Variants in ETFA observed in about 807,000 individuals in gnomAD.
The protein encoded by ETFA is electron transfer flavoprotein subunit alpha, mitochondrial.
In ETFA, 22 loss-of-function variants were observed where a neutral mutation model predicts 46.2. That is an observed-to-expected ratio of 0.48 (90% CI 0.34 to 0.68). ETFA has a LOEUF of 0.68. Ranked by LOEUF, ETFA falls within the 30% of genes least tolerant of loss-of-function variation. The pLI is 0.01. For missense variants in ETFA, 345 were observed against 401.1 expected (o/e 0.86, Z 1.19); for synonymous variants, 131 against 139.9 (o/e 0.94, Z 0.45).
intron 10 of ETFA, chr15:76,231,014 A>C (rs1220466032): frequency 3.6e-6 from 1 of 276,466 alleles, no homozygotes; most frequent in Non-Finnish European, 6.9e-6. Context: ...GTGATAGCTG[A>C]AGGGCAACTT....
At chr15:76,277,754 C>T (rs1232483926) in intron 8 of ETFA, among the ~76,000 whole-genome samples, 3 of 152,168 alleles carry the variant, frequency 2.0e-5, no homozygotes, top group South Asian at 2.1e-4. Context: ...CTGCCCACCT[C>T]GGCCTCCCAA....
intron 9 of ETFA, chr15:76,260,540 G>A (rs1311201373): frequency 2.2e-5 from 32 of 1,471,378 alleles, no homozygotes; most frequent in Non-Finnish European, 1.7e-5. Flanking sequence ...GTACGATCAG[G>A]CCCTTTTGGG....
rs752544152 is a variant in ETFA, at chr15:76,274,417, C to T, written c.811G>A (p.Ala271Thr). The change falls in exon 9 of 12, where the codon GCA (alanine) becomes ACA (threonine). Residue 271 changes from alanine (A) to threonine (T), a missense_variant. Transcript: ENST00000557943. ...MQVGQTGKIVAPELYIAVGIS... is the reference protein window; with the variant it reads ...MQVGQTGKIVTPELYIAVGIS... ...TATTTTATTGCAATACTTACTGGTG[C>T]TACTATTTTTCCCGTCTGTCCAACT... The T allele has an allele frequency of 3.7e-6, 6 of 1,606,542 alleles. No individual in the cohort carries two copies. In the Admixed American group the frequency reaches 1.0e-4, roughly 27 times the overall value.
At chr15:76,244,320 G>T (rs1187545131) in intron 9 of ETFA, among the ~76,000 whole-genome samples, 3 of 152,216 alleles carry the variant, frequency 2.0e-5, no homozygotes, top group Non-Finnish European at 4.4e-5. Flanking sequence ...AGTAATGCCA[G>T]TTAAAAATAA....
At chr15:76,306,063 G>A (rs999630236) in intron 1 of ETFA, among the ~76,000 whole-genome samples, 6 of 151,668 alleles carry the variant, frequency 4.0e-5, no homozygotes, top group African/African-American at 1.5e-4. Context: ...TAGAGTTCTT[G>A]CTGTGACTTG....
chr15:76,259,475 G>A (rs1477460616), intron 9 of ETFA: 16 of 873,622 alleles, frequency 1.8e-5, no homozygotes, highest in Admixed American at 1.7e-4. Context: ...GGTGATTCCC[G>A]CCAATGAGGT....
intron 1 of ETFA, among the ~76,000 whole-genome samples, chr15:76,308,774 T>C (rs2039960817): frequency 1.3e-5 from 2 of 152,196 alleles, no homozygotes; most frequent in Non-Finnish European, 2.9e-5. Context: ...TATTTTATGG[T>C]GAAACTTCCA....
intron 4 of ETFA, among the ~76,000 whole-genome samples, chr15:76,290,333 C>T (rs75317305): frequency 8.2e-5 from 8 of 97,140 alleles, no homozygotes; most frequent in Non-Finnish European, 1.2e-4. Context: ...AGTCGCTACT[C>T]TTTTTTTTTT....
rs1482792667 is a variant in ETFA, at chr15:76,295,578, A to T, written c.186+13T>A. ...GATAATATTTGCTATGGCTGACCTT[A>T]AAAATTTCTCACCTTGTCACATTTG... On this transcript the variant is annotated intron_variant, in intron 2 of 11. Transcript: ENST00000557943. The T allele has an allele frequency of 6.2e-7, 1 of 1,610,628 alleles. No individual in the cohort carries two copies. The highest frequency in any genetic ancestry group is 1.3e-5 in the African/African-American group (1 of 74,944).
intron 9 of ETFA, among the ~76,000 whole-genome samples, chr15:76,262,429 T>A (rs1292351177): frequency 6.7e-6 from 1 of 148,874 alleles, no homozygotes; most frequent in Non-Finnish European, 1.5e-5. Context: ...TGAAGCAGGT[T>A]AAATACAAAA....
intron 9 of ETFA, chr15:76,261,610 C>A (rs1029407607): frequency 2.2e-5 from 10 of 453,638 alleles, no homozygotes; most frequent in South Asian, 6.3e-5. Context: ...GCAGAGAAGT[C>A]AGAGCCGCCA....
intron 9 of ETFA, chr15:76,258,881 A>C: frequency 1.3e-6 from 1 of 747,230 alleles, no homozygotes; most frequent in Non-Finnish European, 2.3e-6. Context: ...CTACCACAGG[A>C]GCCTCCACAC....
At chr15:76,276,920 G>C (rs2039598737) in intron 8 of ETFA, among the ~76,000 whole-genome samples, 1 of 152,110 alleles carries the variant, frequency 6.6e-6, no homozygotes, top group Non-Finnish European at 1.5e-5. Context: ...GATTATTCCA[G>C]CTCAGTCTGG....
intron 4 of ETFA, among the ~76,000 whole-genome samples, chr15:76,289,552 C>T (rs965141155): frequency 1.2e-4 from 18 of 152,158 alleles, no homozygotes; most frequent in Non-Finnish European, 2.5e-4. Context: ...ATCTAAACAT[C>T]ATGAGGGTGG....
intron 9 of ETFA, among the ~76,000 whole-genome samples, chr15:76,249,311 A>G (rs1337353760): frequency 6.6e-6 from 1 of 151,884 alleles, no homozygotes; most frequent in African/African-American, 2.4e-5. Flanking sequence ...TATTTTTAGT[A>G]GAGATGGGGT....
At chr15:76,222,781 G>A (rs2142105644) in intron 11 of ETFA, among the ~76,000 whole-genome samples, 1 of 152,156 alleles carries the variant, frequency 6.6e-6, no homozygotes, top group African/African-American at 2.4e-5. Flanking sequence ...GTAACAAAGA[G>A]GAGTCTGCCA....
chr15:76,298,104 G>A (rs920710875), intron 1 of ETFA, among the ~76,000 whole-genome samples: 5 of 151,550 alleles, frequency 3.3e-5, no homozygotes, highest in African/African-American at 7.3e-5. Flanking sequence ...GTGCAGTGGC[G>A]TGCTCTTGAC....
intron 9 of ETFA, 62 bp from the exon 10 acceptor site, chr15:76,231,460 T>C: frequency 9.1e-7 from 1 of 1,092,898 alleles, no homozygotes; most frequent in East Asian, 2.6e-5. Context: ...TTCCAAAGTG[T>C]TTGCTGTTAG....
intron 1 of ETFA, among the ~76,000 whole-genome samples, chr15:76,310,602 G>C (rs954116288): frequency 6.6e-6 from 1 of 152,178 alleles, no homozygotes; most frequent in African/African-American, 2.4e-5. Flanking sequence ...CAACAGAAGA[G>C]AGAAATGTGG....
Sources: allele counts gnomAD v4.1 joint callset (sites outside exome capture counted in the v4.1 genomes callset), GRCh38; gene constraint gnomAD v4.1.1; transcripts MANE v1.5; gene names NCBI Gene and HGNC (gene_info 2026-07-23, HGNC 2026-07-21).